Variants in OR10Z1 observed in about 807,000 individuals in gnomAD.
OR10Z1 encodes olfactory receptor family 10 subfamily Z member 1, also known as olfactory receptor 10Z1.
For missense variants in OR10Z1, 468 were observed against 371.0 expected (o/e 1.26, Z -2.15); for synonymous variants, 187 against 151.2 (o/e 1.24, Z -1.74).
Position 158,606,542 on chromosome 1 carries a change from A to G in OR10Z1, c.104A>G (p.Tyr35Cys), listed in dbSNP as rs752904871. Residue 35 changes from tyrosine to cysteine, a missense_variant, in exon 2 of 2, where the codon TAT becomes TGT. Physicochemically the swap from Tyr to Cys is radical, Grantham distance 194. Transcript: ENST00000641002. Reference sequence around the variant, plus strand: ...CTCTTTGCCTTGTTCCTCTCTCTGTATCTAGTCACTCTGACCAGCAATGTC... The same window carrying G: ...CTCTTTGCCTTGTTCCTCTCTCTGTGTCTAGTCACTCTGACCAGCAATGTC... ...LLLFALFLSL[Y>C]LVTLTSNVFI... The G allele has an allele frequency of 1.9e-6, 3 of 1,613,754 alleles. No homozygotes were observed. Among genetic ancestry groups the G allele is most frequent in the Non-Finnish European group, 2.5e-6 (3 of 1,179,832 alleles).
rs1196730728 is a variant in OR10Z1 at position 158,611,894 on chromosome 1, T to C, written c.*4514T>C. 5 of 161,724 alleles carry C rather than the reference T, an allele frequency of 3.1e-5. No homozygotes were observed. Among genetic ancestry groups the C allele is most frequent in the Admixed American group, 3.0e-4 (5 of 16,560 alleles). The allele number at this position is 161,724 out of a possible 1,614,324, so 10.0% of individuals were successfully genotyped here. Reference sequence around the variant, plus strand: ...GCTGTTTGATTACCAAGTGGATCCCTAAAGACTCCAATAAGTTAGCGTGTG... The same window carrying C: ...GCTGTTTGATTACCAAGTGGATCCCCAAAGACTCCAATAAGTTAGCGTGTG... On this transcript the variant is annotated 3_prime_UTR_variant, in exon 2 of 2. Transcript: ENST00000641002.
chr1:158,607,014 A>G lies in OR10Z1; in HGVS notation c.576A>G (p.Thr192=), dbSNP rs1649071347. The change falls in exon 2 of 2, where the codon ACA becomes ACG. Residue 192 remains threonine, a synonymous_variant. Transcript: ENST00000641002. ...TGCTGAGCCTAGCCTGTGGAGATAC[A>G]GGCCCGAGTGAGCTGAGGATCTTTA... is the stretch of plus-strand genomic sequence containing the variant. The part of the protein sequence containing the change: ...PPVLSLACGD[T]GPSELRIFIL... 1 of 1,613,918 alleles carries G rather than the reference A, an allele frequency of 6.2e-7. No homozygotes were observed. The highest frequency in any genetic ancestry group is 8.5e-7 in the Non-Finnish European group (1 of 1,179,982).
rs186336900 is a variant in OR10Z1 at position 158,609,978 on chromosome 1, G to A, written c.*2598G>A. 4 of 152,214 alleles carry A rather than the reference G, an allele frequency of 2.6e-5. No homozygotes were observed. The East Asian group carries it at 5.8e-4, about 22-fold the overall frequency. The allele number at this position is 152,214 out of a possible 1,614,324, so 9.4% of individuals were successfully genotyped here. ...TCGATGGCCTATATCTTTTCTAACTGTACTATTTTTGGTAACTTATAATCA... is the reference window on the plus strand; with the variant it reads ...TCGATGGCCTATATCTTTTCTAACTATACTATTTTTGGTAACTTATAATCA... On this transcript the variant is annotated 3_prime_UTR_variant, in exon 2 of 2. Transcript: ENST00000641002.
chr1:158,607,535 G>T lies in OR10Z1; in HGVS notation c.*155G>T, dbSNP rs1649091959. On this transcript the variant is annotated 3_prime_UTR_variant, in exon 2 of 2. Transcript: ENST00000641002. ...CTGCCTCTTGCCCTTCCCCCTGACT[G>T]CTTGGAATGCAGAGGCGGGGCTTCC... 1.7e-6 allele frequency: 1 copy of T among 585,356 alleles called. No individual in the cohort carries two copies. Among genetic ancestry groups the T allele is most frequent in the South Asian group, 2.5e-5 (1 of 40,194 alleles). The allele number at this position is 585,356 out of a possible 1,614,324, so 36.3% of individuals were successfully genotyped here. A position where few individuals can be genotyped will look rare whatever the true frequency, so the allele number is the denominator to read the frequency against.
Position 158,607,197 on chromosome 1 carries a change from C to T in OR10Z1, c.759C>T (p.Gly253=), listed in dbSNP as rs1324898301. ...TTACAGTGGTCATTATTCATTATGG[C>T]TGTGCTTCCTTCGTGTACCTGAGGC... The part of the protein sequence containing the change: ...SHLTVVIIHY[G]CASFVYLRPK... The change falls in exon 2 of 2, where the codon GGC becomes GGT. Residue 253 remains glycine (G), a synonymous_variant. Transcript: ENST00000641002. 32 of 1,613,960 alleles carry T rather than the reference C, an allele frequency of 2.0e-5. No individual in the cohort carries two copies. Among genetic ancestry groups the T allele is most frequent in the Non-Finnish European group, 2.5e-5 (30 of 1,179,968 alleles).
rs1442688061 is a variant in OR10Z1, at chr1:158,611,323, G to A, written c.*3943G>A. On this transcript the variant is annotated 3_prime_UTR_variant, in exon 2 of 2. Transcript: ENST00000641002. ...TAGTCATAGCCAGAGAGATGGCTTC[G>A]ACCCCGTGGGTCCATATATTGCTGC... The A allele has an allele frequency of 3.1e-6, 5 of 1,613,748 alleles. No homozygotes were observed. The highest frequency in any genetic ancestry group is 4.2e-6 in the Non-Finnish European group (5 of 1,179,790).
Position 158,606,678 on chromosome 1 carries a change from A to G in OR10Z1, c.240A>G (p.Arg80=). ...GCTACACTTTGGGCATCATCCCTAG[A>G]ATGCTCTCTGGCCTGGCTGGGGGGG... The part of the protein sequence containing the change: ...ETCYTLGIIP[R]MLSGLAGGDQ... The change falls in exon 2 of 2, where the codon AGA becomes AGG. Residue 80 remains arginine, a synonymous_variant. Coordinates refer to ENST00000641002, the MANE Select transcript of OR10Z1 (RefSeq NM_001004478.2). 6.2e-7 allele frequency: 1 copy of G among 1,613,990 alleles called. No individual in the cohort carries two copies. The highest frequency in any genetic ancestry group is 8.5e-7 in the Non-Finnish European group (1 of 1,179,964).
rs1267029105 is a variant in OR10Z1 at position 158,606,783 on chromosome 1, G to A, written c.345G>A (p.Leu115=). The part of the protein sequence containing the change: ...ASWACTNCFL[L]AAMGFDRYVA... ...GGGCCTGTACTAACTGCTTCCTTCT[G>A]GCTGCCATGGGCTTTGACAGATATG... is the stretch of plus-strand genomic sequence containing the variant. The change falls in exon 2 of 2, where the codon CTG becomes CTA. Residue 115 remains leucine (L), a synonymous_variant. Coordinates refer to ENST00000641002, the MANE Select transcript of OR10Z1 (RefSeq NM_001004478.2). 1.1e-5 allele frequency: 18 copies of A among 1,613,800 alleles called. No homozygotes were observed. In the African/African-American group the frequency reaches 2.0e-4, roughly 18 times the overall value.
Position 158,606,951 on chromosome 1 carries a change from C to G in OR10Z1, c.513C>G (p.Ser171=). The change falls in exon 2 of 2, where the codon TCC becomes TCG. Residue 171 remains serine (S), a synonymous_variant. Coordinates refer to ENST00000641002, the MANE Select transcript of OR10Z1 (RefSeq NM_001004478.2). ...LVIFHLSFCS[S]HEIQHFFCDT... ...TTTTCCACCTCTCATTCTGCAGCTC[C>G]CATGAAATCCAGCACTTTTTTTGTG... The G allele has an allele frequency of 6.2e-7, 1 of 1,614,084 alleles. No individual in the cohort carries two copies. The highest frequency in any genetic ancestry group is 8.5e-7 in the Non-Finnish European group (1 of 1,180,004).
In OR10Z1 at chr1:158,611,955, T is replaced by G. The variant is rs1373349693; in HGVS notation, c.*4575T>G. On this transcript the variant is annotated 3_prime_UTR_variant, in exon 2 of 2. Coordinates refer to ENST00000641002, the MANE Select transcript of OR10Z1 (RefSeq NM_001004478.2). ...TCCAGATAGTGTCTGGAAGACCACA[T>G]CATTTTCTTTTTGTAACAGCTTTGT... is the stretch of plus-strand genomic sequence containing the variant. 1 of 156,562 alleles carries G rather than the reference T, an allele frequency of 6.4e-6. No homozygotes were observed. Among genetic ancestry groups the G allele is most frequent in the Non-Finnish European group, 1.4e-5 (1 of 71,102 alleles). The allele number at this position is 156,562 out of a possible 1,614,324, so 9.7% of individuals were successfully genotyped here.
chr1:158,607,731 C>CA lies in OR10Z1; in HGVS notation c.*353dup, dbSNP rs1471341037. 8.3e-5 allele frequency: 16 copies of CA among 193,796 alleles called. No individual in the cohort carries two copies. Among genetic ancestry groups the CA allele is most frequent in the Non-Finnish European group, 1.4e-4 (13 of 94,728 alleles). The allele number at this position is 193,796 out of a possible 1,614,324, so 12.0% of individuals were successfully genotyped here. A position where few individuals can be genotyped will look rare whatever the true frequency, so the allele number is the denominator to read the frequency against. On this transcript the variant is annotated 3_prime_UTR_variant, in exon 2 of 2. Coordinates refer to ENST00000641002, the MANE Select transcript of OR10Z1 (RefSeq NM_001004478.2). ...CAAAATGAGGGAAGTTTGGAGTGTT[C>CA]AAGTTCAAGGCAGGGCTGGCTGGAG...
At chr1:158,606,196 GTGAT>G (rs1649042958) in intron 1 of OR10Z1, 126 bp from the exon 2 acceptor site, 2 of 486,764 alleles carry the variant, frequency 4.1e-6, no homozygotes, top group Non-Finnish European at 3.6e-6. Context: ...ATGAATGTCT[GTGAT>G]TGTGCATCTG....
At position 158,608,875 on chromosome 1, in the gene OR10Z1, G is replaced by C. The variant is rs1387248397; in HGVS notation, c.*1495G>C. ...AATTTGAATACCTTGCTTCAGACAT[G>C]GTCCTTTTGTCTATAGGAGATAAGG... On this transcript the variant is annotated 3_prime_UTR_variant, in exon 2 of 2. Coordinates refer to ENST00000641002, the MANE Select transcript of OR10Z1 (RefSeq NM_001004478.2). 6.6e-6 allele frequency: 1 copy of C among 152,068 alleles called. No homozygotes were observed. The highest frequency in any genetic ancestry group is 2.4e-5 in the African/African-American group (1 of 41,396). The allele number at this position is 152,068 out of a possible 1,614,324, so 9.4% of individuals were successfully genotyped here. A position where few individuals can be genotyped will look rare whatever the true frequency, so the allele number is the denominator to read the frequency against.
In OR10Z1 at chr1:158,609,874, T is replaced by G. The variant is rs1649162467; in HGVS notation, c.*2494T>G. The G allele has an allele frequency of 6.6e-6, 1 of 152,154 alleles. No individual in the cohort carries two copies. Among genetic ancestry groups the G allele is most frequent in the Non-Finnish European group, 1.5e-5 (1 of 68,002 alleles). 9.4% of individuals were successfully genotyped at this position (152,154 alleles called of 1,614,324 possible). On this transcript the variant is annotated 3_prime_UTR_variant, in exon 2 of 2. Transcript: ENST00000641002. ...TTGGGGGAATGGAATCACATCCACC[T>G]TTGCTTGTGATTATTTTCAGCACAA...
Position 158,607,020 on chromosome 1 carries a change from G to C in OR10Z1, c.582G>C (p.Pro194=), listed in dbSNP as rs775370221. The change falls in exon 2 of 2, where the codon CCG becomes CCC. Residue 194 remains proline, a synonymous_variant. Coordinates refer to ENST00000641002, the MANE Select transcript of OR10Z1 (RefSeq NM_001004478.2). ...GCCTAGCCTGTGGAGATACAGGCCC[G>C]AGTGAGCTGAGGATCTTTATCCTCA... ...VLSLACGDTG[P]SELRIFILSL... 6.2e-7 allele frequency: 1 copy of C among 1,613,870 alleles called. No individual in the cohort carries two copies. The highest frequency in any genetic ancestry group is 1.3e-5 in the African/African-American group (1 of 74,876).
At position 158,612,067 on chromosome 1, in the gene OR10Z1, C is replaced by T. The variant is rs1482192672; in HGVS notation, c.*4687C>T. 6.5e-6 allele frequency: 1 copy of T among 154,094 alleles called. No homozygotes were observed. The highest frequency in any genetic ancestry group is 1.4e-5 in the Non-Finnish European group (1 of 69,516). The allele number at this position is 154,094 out of a possible 1,614,324, so 9.5% of individuals were successfully genotyped here. On this transcript the variant is annotated 3_prime_UTR_variant, in exon 2 of 2. Transcript: ENST00000641002. ...TGGATGAGTTTGTGCAAAACGATACCATCATGTATGTGACCCTTTGTAATC... is the reference window on the plus strand; with the variant it reads ...TGGATGAGTTTGTGCAAAACGATACTATCATGTATGTGACCCTTTGTAATC...
rs772956304 is a variant in OR10Z1, at chr1:158,611,261, T to G, written c.*3881T>G. On this transcript the variant is annotated 3_prime_UTR_variant, in exon 2 of 2. Coordinates refer to ENST00000641002, the MANE Select transcript of OR10Z1 (RefSeq NM_001004478.2). ...TTTTCTACGATCCACGAGGAGCTGC[T>G]TATTAGTTGCCAAAGTAGGAATTGG... 2.3e-5 allele frequency: 37 copies of G among 1,613,478 alleles called. No individual in the cohort carries two copies. Among genetic ancestry groups the G allele is most frequent in the Non-Finnish European group, 3.1e-5 (37 of 1,179,604 alleles).
intron 1 of OR10Z1, 28 bp downstream of exon 1, chr1:158,605,429 T>C (rs967982673): frequency 2.6e-5 from 4 of 152,788 alleles, no homozygotes; most frequent in Non-Finnish European, 5.9e-5. Flanking sequence ...CCTTGACTTA[T>C]GCTTTGGTTT....
In OR10Z1 at chr1:158,607,097, A is replaced by G. The variant is rs1181742098; in HGVS notation, c.659A>G (p.Tyr220Cys). 4.3e-6 allele frequency: 7 copies of G among 1,613,786 alleles called. No individual in the cohort carries two copies. The African/African-American group carries it at 5.3e-5, about 12-fold the overall frequency. ...TTCTTCATCACCATCTCCTACGCCT[A>G]CATCTTGGCAGCAATACTGAGGATC... ...SFFFITISYA[Y>C]ILAAILRIPS... Residue 220 changes from tyrosine (Y) to cysteine (C), a missense_variant, in exon 2 of 2, where the codon TAC becomes TGC. Tyr to Cys is a radical substitution (Grantham distance 194). Transcript: ENST00000641002.
Sources: gnomAD v4.1 joint callset for allele counts on GRCh38, gnomAD v4.1.1 for gene constraint, MANE v1.5 for transcripts, NCBI Gene and HGNC (gene_info 2026-07-23, HGNC 2026-07-21) for gene names.